The following REDIC1 variants were observed in gnomAD, a reference collection of about 807,000 sequenced individuals.
The protein encoded by REDIC1 is regulator of DNA class I crossover intermediates 1.
At chr12:39,811,323 C>T in the REDIC1 span, among the ~76,000 whole-genome samples, 1 of 151,904 alleles carries the variant, frequency 6.6e-6, no homozygotes, top group Non-Finnish European at 1.5e-5. Flanking sequence ...TTTCCTACTA[C>T]CATTATATCT....
At chr12:39,749,133 T>C in the REDIC1 span, among the ~76,000 whole-genome samples, 1 of 152,274 alleles carries the variant, frequency 6.6e-6, no homozygotes, top group African/African-American at 2.4e-5. Context: ...ATCCAGGAAC[T>C]GGTTTTTTGA....
chr12:39,661,416 A>T, the REDIC1 span, among the ~76,000 whole-genome samples: 2 of 150,698 alleles, frequency 1.3e-5, no homozygotes, highest in South Asian at 4.2e-4. Context: ...GACGTTGAGC[A>T]TTTTTTTTTA....
the REDIC1 span, among the ~76,000 whole-genome samples, chr12:39,816,243 A>G: frequency 6.6e-6 from 1 of 152,102 alleles, no homozygotes; most frequent in Non-Finnish European, 1.5e-5. Flanking sequence ...AAAACAGCAC[A>G]TTTCTTCTAC....
the REDIC1 span, among the ~76,000 whole-genome samples, chr12:39,855,470 A>G: frequency 6.6e-6 from 1 of 152,218 alleles, no homozygotes; most frequent in African/African-American, 2.4e-5. Flanking sequence ...GAATTATGCC[A>G]GGTCATGCTC....
At chr12:39,795,222 T>C in the REDIC1 span, among the ~76,000 whole-genome samples, 34 of 151,870 alleles carry the variant, frequency 2.2e-4, no homozygotes, top group African/African-American at 7.5e-4. Flanking sequence ...GTGTCACATC[T>C]TTTTTTTAAT....
At chr12:39,889,529 CTTTT>C in the REDIC1 span, among the ~76,000 whole-genome samples, 9,292 of 119,398 alleles carry the variant, frequency 0.078, 263 homozygotes, top group Admixed American at 0.14. Flanking sequence ...GGTAAACAAC[CTTTT>C]TTTTTTTTTT....
chr12:39,783,343 G>A, the REDIC1 span, among the ~76,000 whole-genome samples: 4 of 152,186 alleles, frequency 2.6e-5, no homozygotes, highest in African/African-American at 7.2e-5. Context: ...GTGTGCATGT[G>A]TCTTTATAGC....
the REDIC1 span, among the ~76,000 whole-genome samples, chr12:39,715,842 G>T: frequency 6.6e-6 from 1 of 151,960 alleles, no homozygotes; most frequent in East Asian, 1.9e-4. Flanking sequence ...AACCTTATTG[G>T]GGTGAAATGC....
At chr12:39,701,746 A>T in the REDIC1 span, among the ~76,000 whole-genome samples, 3 of 152,326 alleles carry the variant, frequency 2.0e-5, no homozygotes, top group South Asian at 6.2e-4. Flanking sequence ...GGTCTCTCAG[A>T]CCACAGTGCA....
At chr12:39,858,255 TG>T in the REDIC1 span, among the ~76,000 whole-genome samples, 1 of 152,238 alleles carries the variant, frequency 6.6e-6, no homozygotes, top group Non-Finnish European at 1.5e-5. Context: ...GTGGACTTTT[TG>T]TTCCAACTTT....
the REDIC1 span, among the ~76,000 whole-genome samples, chr12:39,678,117 C>G: frequency 6.6e-6 from 1 of 151,800 alleles, no homozygotes; most frequent in Non-Finnish European, 1.5e-5. Flanking sequence ...GAAATTGAAA[C>G]AAACAGAAAA....
At chr12:39,898,949 C>T in the REDIC1 span, among the ~76,000 whole-genome samples, 6 of 151,868 alleles carry the variant, frequency 4.0e-5, no homozygotes, top group Non-Finnish European at 8.8e-5. Context: ...TCTCTTTTTT[C>T]GTTGTGTCTC....
At chr12:39,855,174 G>T in the REDIC1 span, among the ~76,000 whole-genome samples, 1 of 152,058 alleles carries the variant, frequency 6.6e-6, no homozygotes, top group African/African-American at 2.4e-5. Context: ...GGCTATATTT[G>T]TTACTTAATG....
At chr12:39,769,113 C>A in the REDIC1 span, among the ~76,000 whole-genome samples, 11 of 152,002 alleles carry the variant, frequency 7.2e-5, no homozygotes, top group Non-Finnish European at 1.5e-4. Flanking sequence ...AAAGTTCATG[C>A]CATTTTATCT....
At chr12:39,896,384 GTA>G in the REDIC1 span, among the ~76,000 whole-genome samples, 58 of 119,040 alleles carry the variant, frequency 4.9e-4, no homozygotes, top group Non-Finnish European at 5.8e-4. Context: ...ATATATGTAT[GTA>G]TATGTGTATA....
chr12:39,839,760 C>A, the REDIC1 span, among the ~76,000 whole-genome samples: 1 of 152,008 alleles, frequency 6.6e-6, no homozygotes, highest in Non-Finnish European at 1.5e-5. Flanking sequence ...ATACACTGAG[C>A]CCCCATGACC....
chr12:39,880,774 G>A, the REDIC1 span, among the ~76,000 whole-genome samples: 2 of 152,112 alleles, frequency 1.3e-5, no homozygotes, highest in African/African-American at 4.8e-5. Flanking sequence ...CATACCTCTG[G>A]CGGCCTCAGG....
At chr12:39,758,068 A>AT in the REDIC1 span, 1 of 151,750 alleles carries the variant, frequency 6.6e-6, no homozygotes, top group Middle Eastern at 3.4e-3. Context: ...TAGAATAATA[A>AT]TTTTCCCTAT....
the REDIC1 span, among the ~76,000 whole-genome samples, chr12:39,750,742 C>T: frequency 1.3e-5 from 2 of 152,128 alleles, no homozygotes; most frequent in African/African-American, 4.8e-5. Flanking sequence ...GAACAGAGCC[C>T]TCAGAAATAA....
Sources: gnomAD v4.1 joint callset for allele counts (sites outside exome capture counted in the v4.1 genomes callset) on GRCh38, gnomAD v4.1.1 for gene constraint, MANE v1.5 for transcripts, NCBI Gene and HGNC (gene_info 2026-07-23, HGNC 2026-07-21) for gene names.